Variants in ZNF292 observed in about 807,000 individuals in gnomAD.
The protein encoded by ZNF292 is 16 zinc-finger domain protein.
In ZNF292, 26 loss-of-function variants were observed where a neutral mutation model predicts 217.9. That is an observed-to-expected ratio of 0.12 (90% CI 0.09 to 0.17). ZNF292 has a LOEUF of 0.17. Ranked by LOEUF, ZNF292 falls within the 10% of genes least tolerant of loss-of-function variation. The pLI is 1.00. For missense variants in ZNF292, 2,904 were observed against 3,175.2 expected, an observed-to-expected ratio of 0.91 and a Z score of 2.05; for synonymous variants, 1,257 against 1,124.1, an observed-to-expected ratio of 1.12 and a Z score of -2.37.
rs191279501 is a variant in ZNF292 at position 87,162,578 on chromosome 6, A to G, written c.168+6819A>G. 2.9e-3 allele frequency among the ~76,000 whole-genome samples: 449 copies of G among 152,318 alleles called. 1 individual carries two copies. The highest frequency in any genetic ancestry group is 4.7e-3 in the Non-Finnish European group (317 of 68,028). On this transcript the variant is annotated intron_variant, in intron 1 of 7. Coordinates refer to ENST00000369577, the MANE Select transcript of ZNF292 (RefSeq NM_015021.3). ...GTGCTCATGGGAAATAATTTTTTAAATGTTCATAATTAGTATGATTGCATG... is the reference window on the plus strand; with the variant it reads ...GTGCTCATGGGAAATAATTTTTTAAGTGTTCATAATTAGTATGATTGCATG...
chr6:87,265,524 T>C lies in ZNF292; in HGVS notation c.*3723T>C, dbSNP rs529720513. Among the ~76,000 whole-genome samples, 81 of 150,378 alleles carry C rather than the reference T, an allele frequency of 5.4e-4. No individual in the cohort carries two copies. The highest frequency in any genetic ancestry group is 2.0e-3 in the African/African-American group (81 of 39,708). On this transcript the variant is annotated 3_prime_UTR_variant, in exon 8 of 8. Coordinates refer to ENST00000369577, the MANE Select transcript of ZNF292 (RefSeq NM_015021.3). ...CATGAGCCACCACACCCAGCCTCTC[T>C]TAAATAATTTAATGCATGTTTGCAT...
intron 1 of ZNF292, among the ~76,000 whole-genome samples, chr6:87,209,123 C>T (rs1772374708): frequency 6.7e-6 from 1 of 148,222 alleles, no homozygotes. Flanking sequence ...TCCCCATTTT[C>T]AGAGGCATCT....
intron 5 of ZNF292, 120 bp from the exon 6 acceptor site, chr6:87,243,355 G>T (rs1774408334): frequency 4.2e-5 from 30 of 721,534 alleles, no homozygotes; most frequent in East Asian, 1.9e-4. Flanking sequence ...GATAGTGTAT[G>T]AATTAATGGC....
chr6:87,182,038 C>T (rs368148579), intron 1 of ZNF292, among the ~76,000 whole-genome samples: 1 of 152,066 alleles, frequency 6.6e-6, no homozygotes, highest in Non-Finnish European at 1.5e-5. Context: ...TACATATTAT[C>T]CTTGTGCTTG....
chr6:87,176,730 A>G (rs1771309154), intron 1 of ZNF292, among the ~76,000 whole-genome samples: 1 of 152,138 alleles, frequency 6.6e-6, no homozygotes, highest in South Asian at 2.1e-4. Context: ...GACCTGGTTG[A>G]TAATCCATGC....
intron 6 of ZNF292, among the ~76,000 whole-genome samples, chr6:87,244,657 A>G (rs1180243881): frequency 1.3e-5 from 2 of 152,150 alleles, no homozygotes; most frequent in Non-Finnish European, 2.9e-5. Context: ...ATCACCTGGA[A>G]AGCCAGTAAA....
intron 1 of ZNF292, among the ~76,000 whole-genome samples, chr6:87,182,336 T>C (rs2127778804): frequency 6.6e-6 from 1 of 152,330 alleles, no homozygotes; most frequent in South Asian, 2.1e-4. Context: ...AACTTTTCAA[T>C]TCTATTACTT....
Position 87,233,439 on chromosome 6 carries a change from A to G in ZNF292, c.653A>G (p.His218Arg). ...GCTCTAGCAAAGCTGTGTTCTGACC[A>G]TCCAGAGATTGGCATAAAAGGTAGT... is the stretch of plus-strand genomic sequence containing the variant. ...ATALAKLCSD[H>R]PEIGIKGSFK... Residue 218 changes from histidine (H) to arginine (R), a missense_variant, in exon 5 of 8, where the codon CAT becomes CGT. This residue lies in a region of ZNF292 where 313 missense variants were observed against 451.0 expected (regional missense o/e 0.69). Transcript: ENST00000369577. The G allele has an allele frequency of 1.2e-6, 2 of 1,613,684 alleles. No homozygotes were observed. The highest frequency in any genetic ancestry group is 8.5e-7 in the Non-Finnish European group (1 of 1,179,702).
chr6:87,256,539 A>G lies in ZNF292; in HGVS notation c.2910A>G (p.Leu970=). The G allele has an allele frequency of 2.5e-6, 4 of 1,613,416 alleles. No individual in the cohort carries two copies. The highest frequency in any genetic ancestry group is 1.7e-5 in the Admixed American group (1 of 60,010). Residue 970 remains leucine, a synonymous_variant, in exon 8 of 8, where the codon TTA becomes TTG. Coordinates refer to ENST00000369577, the MANE Select transcript of ZNF292 (RefSeq NM_015021.3). ...GTGGTGAAGCACTGGTCACAGACTT[A>G]CATACGCCAGTTGAAGATACTTGTA... is the stretch of plus-strand genomic sequence containing the variant. ...EGSGEALVTD[L]HTPVEDTCND...
At chr6:87,230,659 G>A (rs959570624) in intron 4 of ZNF292, among the ~76,000 whole-genome samples, 2 of 151,800 alleles carry the variant, frequency 1.3e-5, no homozygotes, top group Non-Finnish European at 2.9e-5. Flanking sequence ...GCATGAACCC[G>A]GGAGGCAGAG....
chr6:87,239,191 T>G (rs1218148186), intron 5 of ZNF292, among the ~76,000 whole-genome samples: 1 of 152,260 alleles, frequency 6.6e-6, no homozygotes, highest in Non-Finnish European at 1.5e-5. Flanking sequence ...AATGAGCTGT[T>G]GGGTACACCT....
At chr6:87,199,280 C>T (rs913220876) in intron 1 of ZNF292, among the ~76,000 whole-genome samples, 6 of 152,134 alleles carry the variant, frequency 3.9e-5, no homozygotes, top group African/African-American at 1.4e-4. Context: ...CATTTTCAGC[C>T]ATTTATCTTC....
chr6:87,250,048 A>AAAAAT (rs1774835157), intron 7 of ZNF292, among the ~76,000 whole-genome samples: 1 of 149,618 alleles, frequency 6.7e-6, no homozygotes, highest in Non-Finnish European at 1.5e-5. Context: ...AAAAAAAAAA[A>AAAAAT]CTCCAGGAAT....
At chr6:87,213,912 A>G (rs1320792357) in intron 1 of ZNF292, 2 of 152,174 alleles carry the variant, frequency 1.3e-5, no homozygotes, top group African/African-American at 2.4e-5. Context: ...ACAGATAAGG[A>G]AACTTCACAG....
Position 87,258,181 on chromosome 6 carries a change from T to G in ZNF292, c.4552T>G (p.Ser1518Ala). Reference protein sequence around the residue: ...MLSHVSTGCVSDASQVNATVM... With the variant: ...MLSHVSTGCVADASQVNATVM... The stretch of plus-strand genomic sequence containing the variant: ...TTCTCATGTTTCAACAGGTTGTGTC[T>G]CTGATGCATCACAAGTAAATGCAAC... Residue 1518 changes from serine (S) to alanine (A), a missense_variant, in exon 8 of 8, where the codon TCT becomes GCT. This residue lies in a region of ZNF292 where 622 missense variants were observed against 573.1 expected (regional missense o/e 1.09). Coordinates refer to ENST00000369577, the MANE Select transcript of ZNF292 (RefSeq NM_015021.3). The G allele has an allele frequency of 6.2e-7, 1 of 1,611,792 alleles. No homozygotes were observed. The highest frequency in any genetic ancestry group is 2.2e-5 in the East Asian group (1 of 44,850).
chr6:87,216,323 T>C lies in ZNF292; in HGVS notation c.348T>C (p.Cys116=). The C allele has an allele frequency of 6.3e-7, 1 of 1,584,992 alleles. No individual in the cohort carries two copies. ...LALSCVELLL[C]LPVELSDKQW... Reference sequence around the variant, plus strand: ...GAAGCTGTGTTGAACTTTTACTGTGTCTGCCTGTTGAGTTATCAGATAAAC... The same window carrying C: ...GAAGCTGTGTTGAACTTTTACTGTGCCTGCCTGTTGAGTTATCAGATAAAC... Residue 116 remains cysteine (C), a synonymous_variant, in exon 3 of 8, where the codon TGT becomes TGC. Coordinates refer to ENST00000369577, the MANE Select transcript of ZNF292 (RefSeq NM_015021.3).
At chr6:87,169,623 A>G (rs1050235594) in intron 1 of ZNF292, 24 of 380,710 alleles carry the variant, frequency 6.3e-5, no homozygotes, top group Non-Finnish European at 1.1e-4. Flanking sequence ...CTTTTAAAAG[A>G]TGAGCCATTA....
At chr6:87,240,321 C>T (rs557976476) in intron 5 of ZNF292, among the ~76,000 whole-genome samples, 5 of 125,180 alleles carry the variant, frequency 4.0e-5, no homozygotes, top group Admixed American at 9.7e-5. Context: ...AGCTTCAGCT[C>T]GGCATCAGAG....
In ZNF292 at chr6:87,245,515, C is replaced by A; in HGVS notation, c.891C>A (p.Leu297=). 6.6e-7 allele frequency: 1 copy of A among 1,517,196 alleles called. No homozygotes were observed. The highest frequency in any genetic ancestry group is 2.4e-5 in the East Asian group (1 of 41,848). The allele number at this position is 1,517,196 out of a possible 1,614,324, so 94.0% of individuals were successfully genotyped here. A position where few individuals can be genotyped will look rare whatever the true frequency, so the allele number is the denominator to read the frequency against. ...TTTTTTTTTTAAGGGAACTTACTCT[C>A]TTTTGGAGTAAATTACAACAAAGAG... is the stretch of plus-strand genomic sequence containing the variant. ...GDMYCAWELT[L]FWSKLQQRVE... The change falls in exon 7 of 8, where the codon CTC becomes CTA. Residue 297 remains leucine (L), a synonymous_variant. Transcript: ENST00000369577.
Sources: allele counts gnomAD v4.1 joint callset (sites outside exome capture counted in the v4.1 genomes callset), GRCh38; gene constraint gnomAD v4.1.1; regional missense constraint gnomAD v4.1.1; transcripts MANE v1.5; gene names NCBI Gene and HGNC (gene_info 2026-07-23, HGNC 2026-07-21).